Variants in PLD5 observed in about 807,000 individuals in gnomAD.
The protein encoded by PLD5 is inactive phospholipase D5.
In PLD5, 36 loss-of-function variants were observed where a neutral mutation model predicts 61.1. The ratio of observed to expected loss-of-function variants is 0.59; its 90% confidence interval spans 0.45 to 0.78. PLD5 has a LOEUF of 0.78. PLD5 is among the 30% of genes least tolerant of loss of function. The pLI is 0.00. For missense variants in PLD5, 515 were observed against 644.4 expected, an observed-to-expected ratio of 0.80 and a Z score of 2.17; for synonymous variants, 243 against 242.8, an observed-to-expected ratio of 1.00 and a Z score of -0.01.
intron 1 of PLD5, among the ~76,000 whole-genome samples, chr1:242,420,617 T>C (rs1417159412): frequency 6.6e-6 from 1 of 152,168 alleles, no homozygotes; most frequent in Non-Finnish European, 1.5e-5. Context: ...CAAGGATATA[T>C]ACACTTGCAT....
intron 1 of PLD5, among the ~76,000 whole-genome samples, chr1:242,454,142 CAGCA>C (rs1345946785): frequency 2.4e-4 from 36 of 152,212 alleles, no homozygotes; most frequent in African/African-American, 8.4e-4. Flanking sequence ...CCAGCCTGGT[CAGCA>C]TGGTGAGACC....
chr1:242,486,285 A>G (rs1204214186), intron 1 of PLD5, among the ~76,000 whole-genome samples: 1 of 152,244 alleles, frequency 6.6e-6, no homozygotes, highest in Non-Finnish European at 1.5e-5. Flanking sequence ...GGAAACCTAC[A>G]GAATGGGAGA....
intron 9 of PLD5, among the ~76,000 whole-genome samples, chr1:242,090,710 G>A (rs368322226): frequency 2.7e-4 from 41 of 152,242 alleles, no homozygotes; most frequent in African/African-American, 8.7e-4. Context: ...TGGTGTATTC[G>A]TGTTTTTAGG....
chr1:242,213,494 C>T (rs2148990121), intron 5 of PLD5, among the ~76,000 whole-genome samples: 1 of 152,192 alleles, frequency 6.6e-6, no homozygotes, highest in South Asian at 2.1e-4. Context: ...TTGGAAATAT[C>T]TTGGGTACAT....
At chr1:242,131,234 A>C (rs1211097390) in intron 5 of PLD5, among the ~76,000 whole-genome samples, 1 of 152,122 alleles carries the variant, frequency 6.6e-6, no homozygotes, top group Non-Finnish European at 1.5e-5. Flanking sequence ...TGAACCTGGG[A>C]GGCAGAGGTT....
chr1:242,188,828 G>C (rs1187712810), intron 5 of PLD5: 1 of 152,132 alleles, frequency 6.6e-6, no homozygotes, highest in Non-Finnish European at 1.5e-5. Flanking sequence ...GAAGTACTTC[G>C]TAATTCACAC....
At chr1:242,357,079 G>T (rs1379619363) in intron 1 of PLD5, among the ~76,000 whole-genome samples, 2 of 151,754 alleles carry the variant, frequency 1.3e-5, no homozygotes, top group East Asian at 1.9e-4. Context: ...TTAGCTTAAA[G>T]AATTTCTTTT....
chr1:242,504,178 T>C (rs1035656154), intron 1 of PLD5, among the ~76,000 whole-genome samples: 1 of 152,202 alleles, frequency 6.6e-6, no homozygotes, highest in African/African-American at 2.4e-5. Context: ...CGAAGTTCGA[T>C]GCACCAATGA....
chr1:242,475,460 G>T (rs1476479760), intron 1 of PLD5, among the ~76,000 whole-genome samples: 1 of 151,338 alleles, frequency 6.6e-6, no homozygotes, highest in Non-Finnish European at 1.5e-5. Flanking sequence ...TAAAAGAAAG[G>T]CTCCACCTTG....
rs574619614 is a variant in PLD5 at position 242,288,897 on chromosome 1, T to C, written c.327-367A>G. On this transcript the variant is annotated intron_variant, in intron 2 of 9. Transcript: ENST00000536534. ...TTCCCTGGAAGCAATTCAATTCCTA[T>C]ATAAGATACTACTTTGCAAGCTATT... is the stretch of plus-strand genomic sequence containing the variant. Among the ~76,000 whole-genome samples the C allele has an allele frequency of 8.7e-3, 1,331 of 152,260 alleles. 29 individuals carry two copies. The highest frequency in any genetic ancestry group is 0.031 in the African/African-American group (1,268 of 41,562).
intron 1 of PLD5, among the ~76,000 whole-genome samples, chr1:242,391,947 A>G (rs779985886): frequency 7.9e-5 from 12 of 152,222 alleles, no homozygotes; most frequent in Non-Finnish European, 1.5e-4. Flanking sequence ...TGCCAAAAAG[A>G]TACATACACT....
chr1:242,487,816 A>G (rs1382163195), intron 1 of PLD5, among the ~76,000 whole-genome samples: 1 of 134,358 alleles, frequency 7.4e-6, no homozygotes, highest in Admixed American at 8.3e-5. Context: ...TTAGAGAATT[A>G]ATTTATAATT....
At chr1:242,368,270 C>T (rs943957805) in intron 1 of PLD5, among the ~76,000 whole-genome samples, 6 of 152,128 alleles carry the variant, frequency 3.9e-5, no homozygotes, top group African/African-American at 1.4e-4. Context: ...CCTTCATTCC[C>T]CTTCATCAGA....
chr1:242,130,518 A>G (rs1295220692), intron 5 of PLD5, among the ~76,000 whole-genome samples: 2 of 152,218 alleles, frequency 1.3e-5, no homozygotes, highest in East Asian at 3.9e-4. Flanking sequence ...TCTTCGAGAA[A>G]TCTCCACACT....
intron 1 of PLD5, among the ~76,000 whole-genome samples, chr1:242,400,968 C>A (rs919362938): frequency 8.5e-5 from 13 of 152,072 alleles, no homozygotes; most frequent in Non-Finnish European, 1.9e-4. Flanking sequence ...TATTTCTGGC[C>A]CTGGCCCCTC....
intron 4 of PLD5, among the ~76,000 whole-genome samples, chr1:242,244,398 A>G (rs1023519048): frequency 5.9e-5 from 9 of 152,238 alleles, no homozygotes; most frequent in African/African-American, 2.2e-4. Flanking sequence ...AACACAAAGT[A>G]GTATCTAATT....
At chr1:242,417,169 A>G (rs1664876573) in intron 1 of PLD5, among the ~76,000 whole-genome samples, 1 of 152,216 alleles carries the variant, frequency 6.6e-6, no homozygotes, top group African/African-American at 2.4e-5. Flanking sequence ...CTATGGGGTT[A>G]ATCTGGGGGA....
At chr1:242,258,111 T>C (rs1234015510) in intron 4 of PLD5, among the ~76,000 whole-genome samples, 1 of 152,240 alleles carries the variant, frequency 6.6e-6, no homozygotes, top group Non-Finnish European at 1.5e-5. Flanking sequence ...ATTGTTTTCC[T>C]ATAGAAATTG....
At chr1:242,420,682 C>T (rs1378885754) in intron 1 of PLD5, among the ~76,000 whole-genome samples, 1 of 152,058 alleles carries the variant, frequency 6.6e-6, no homozygotes, top group Non-Finnish European at 1.5e-5. Context: ...TGATTTACCC[C>T]AAACTCATAT....
Sources: gnomAD v4.1 joint callset for allele counts (sites outside exome capture counted in the v4.1 genomes callset) on GRCh38, gnomAD v4.1.1 for gene constraint, MANE v1.5 for transcripts, NCBI Gene and HGNC (gene_info 2026-07-23, HGNC 2026-07-21) for gene names.